Variants in EMCN observed in about 807,000 individuals in gnomAD.
The protein encoded by EMCN is endomucin.
Under a neutral mutation model 38.4 loss-of-function variants are expected in EMCN, and 37 were observed. The ratio of observed to expected loss-of-function variants is 0.96; its 90% CI spans 0.74 to 1.27. EMCN has a LOEUF of 1.27. Ranked by LOEUF, EMCN falls within the 50% of genes most tolerant of loss-of-function variation. The pLI is 0.00. For missense variants in EMCN, 318 were observed against 302.8 expected (o/e 1.05, Z -0.37); for synonymous variants, 95 against 100.8 (o/e 0.94, Z 0.35).
chr4:100,414,061 T>C (rs920186768), intron 10 of EMCN, among the ~76,000 whole-genome samples: 1 of 152,176 alleles, frequency 6.6e-6, no homozygotes. Context: ...ATGATTCTAG[T>C]GTCAGTTGTC....
chr4:100,493,587 T>A (rs960765266), intron 1 of EMCN, among the ~76,000 whole-genome samples: 58 of 152,356 alleles, frequency 3.8e-4, no homozygotes, highest in African/African-American at 1.3e-3. Flanking sequence ...CTACTAATTT[T>A]AAAATCAGTA....
intron 2 of EMCN, among the ~76,000 whole-genome samples, chr4:100,477,220 T>C (rs58913828): frequency 0.26 from 39,498 of 152,178 alleles, 5,621 homozygotes; most frequent in African/African-American, 0.36. Context: ...GACTATTCAA[T>C]GTTTTTAAAA....
intron 3 of EMCN, among the ~76,000 whole-genome samples, chr4:100,470,364 T>C (rs930582460): frequency 8.1e-6 from 1 of 123,082 alleles, no homozygotes; most frequent in Admixed American, 9.6e-5. Flanking sequence ...TTAGAATGGC[T>C]ATTACTAAAA....
intron 2 of EMCN, among the ~76,000 whole-genome samples, chr4:100,478,439 C>T (rs2110279142): frequency 6.6e-6 from 1 of 152,184 alleles, no homozygotes; most frequent in African/African-American, 2.4e-5. Flanking sequence ...GGCATGGTAG[C>T]TTTGTGATTG....
At chr4:100,404,076 T>C (rs1276580569) in intron 11 of EMCN, among the ~76,000 whole-genome samples, 5 of 152,134 alleles carry the variant, frequency 3.3e-5, no homozygotes, top group African/African-American at 4.8e-5. Flanking sequence ...TTAGTTTAGC[T>C]AGGTCTTGTT....
At chr4:100,477,531 T>C (rs1728694364) in intron 2 of EMCN, among the ~76,000 whole-genome samples, 1 of 152,220 alleles carries the variant, frequency 6.6e-6, no homozygotes, top group Admixed American at 6.5e-5. Context: ...CTCATCTCAG[T>C]TGCACATTTT....
At chr4:100,450,743 A>G (rs1253822508) in intron 4 of EMCN, among the ~76,000 whole-genome samples, 1 of 151,940 alleles carries the variant, frequency 6.6e-6, no homozygotes, top group Non-Finnish European at 1.5e-5. Flanking sequence ...TAAATCGCAT[A>G]TGAGAAATGT....
At chr4:100,400,842 C>T (rs1232774003) in intron 11 of EMCN, among the ~76,000 whole-genome samples, 2 of 152,130 alleles carry the variant, frequency 1.3e-5, no homozygotes, top group Non-Finnish European at 2.9e-5. Context: ...AATCTTGCTT[C>T]ATTAATGATT....
intron 4 of EMCN, among the ~76,000 whole-genome samples, chr4:100,463,663 C>A (rs1245978049): frequency 6.6e-6 from 1 of 152,076 alleles, no homozygotes; most frequent in Non-Finnish European, 1.5e-5. Flanking sequence ...TCCCCACTCC[C>A]ATCTCCAGCT....
intron 3 of EMCN, 70 bp downstream of exon 3, chr4:100,474,968 A>T: frequency 2.6e-6 from 2 of 766,304 alleles, no homozygotes; most frequent in Non-Finnish European, 4.0e-6. Context: ...TGTACACTTT[A>T]AAAGGGTGAC....
chr4:100,512,728 C>T (rs1275361427), intron 1 of EMCN, among the ~76,000 whole-genome samples: 1 of 151,628 alleles, frequency 6.6e-6, no homozygotes, highest in African/African-American at 2.4e-5. Flanking sequence ...ATCGCTTGAA[C>T]CCGGGATGCG....
intron 1 of EMCN, among the ~76,000 whole-genome samples, chr4:100,505,187 C>T (rs1352204567): frequency 6.6e-6 from 1 of 152,116 alleles, no homozygotes; most frequent in Non-Finnish European, 1.5e-5. Context: ...ATCAGTGCAG[C>T]CTGGCATTCG....
chr4:100,438,215 C>T (rs1474255695), intron 5 of EMCN, among the ~76,000 whole-genome samples: 1 of 151,964 alleles, frequency 6.6e-6, no homozygotes, highest in Non-Finnish European at 1.5e-5. Flanking sequence ...AGCATCTGGA[C>T]TTGTGATGGT....
chr4:100,505,514 A>G (rs1729459822), intron 1 of EMCN, among the ~76,000 whole-genome samples: 1 of 152,210 alleles, frequency 6.6e-6, no homozygotes, highest in Non-Finnish European at 1.5e-5. Flanking sequence ...TCGGTTAACA[A>G]GGATGACCAG....
chr4:100,450,128 G>A (rs1276024271), intron 4 of EMCN, among the ~76,000 whole-genome samples: 1 of 151,836 alleles, frequency 6.6e-6, no homozygotes, highest in Non-Finnish European at 1.5e-5. Context: ...TTGGGAAAAG[G>A]CCAAGCTTTG....
At chr4:100,460,254 C>T (rs1240645022) in intron 4 of EMCN, among the ~76,000 whole-genome samples, 1 of 152,030 alleles carries the variant, frequency 6.6e-6, no homozygotes, top group South Asian at 2.1e-4. Context: ...AGGTCCTTGG[C>T]CCATTTTAAA....
intron 1 of EMCN, among the ~76,000 whole-genome samples, chr4:100,500,532 T>A (rs1729324833): frequency 6.6e-6 from 1 of 152,172 alleles, no homozygotes; most frequent in Admixed American, 6.5e-5. Context: ...ACTCTAGAGG[T>A]AACTGCTAAT....
At chr4:100,399,624 T>C (rs767616703) in intron 11 of EMCN, among the ~76,000 whole-genome samples, 7 of 152,108 alleles carry the variant, frequency 4.6e-5, no homozygotes, top group Non-Finnish European at 8.8e-5. Flanking sequence ...GAGCATGGTA[T>C]AGCTTAAGTA....
chr4:100,434,751 G>A (rs565519816), intron 5 of EMCN, among the ~76,000 whole-genome samples: 9 of 152,164 alleles, frequency 5.9e-5, no homozygotes, highest in African/African-American at 1.7e-4. Context: ...AATTCATCAC[G>A]TAAACAGAAC....
Sources: gnomAD v4.1 joint callset for allele counts (sites outside exome capture counted in the v4.1 genomes callset) on GRCh38, gnomAD v4.1.1 for gene constraint, MANE v1.5 for transcripts, NCBI Gene and HGNC (gene_info 2026-07-23, HGNC 2026-07-21) for gene names.